MAGI3: variants seen among roughly 807,000 people sequenced by gnomAD.
MAGI3 encodes membrane associated guanylate kinase, WW and PDZ domain containing 3.
Under a neutral mutation model 121.8 loss-of-function variants are expected in MAGI3, and 43 were observed. The ratio of observed to expected loss-of-function variants is 0.35; its 90% CI spans 0.28 to 0.46. The LOEUF (loss-of-function observed/expected upper bound fraction) is 0.46, where lower values mean the gene tolerates loss of function less well. MAGI3 is among the 20% of genes least tolerant of loss of function. The pLI is 1.00. For missense variants in MAGI3, 1,547 were observed against 1,797.3 expected (o/e 0.86, Z 2.52); for synonymous variants, 553 against 639.3 (o/e 0.86, Z 2.04).
intron 1 of MAGI3, among the ~76,000 whole-genome samples, chr1:113,517,117 G>T (rs1296530876): frequency 6.6e-6 from 1 of 151,294 alleles, no homozygotes; most frequent in Non-Finnish European, 1.5e-5. Context: ...TCCTGGAAAA[G>T]GGGAAAAAAA....
rs1444000788 is a variant in MAGI3 at position 113,685,728 on chromosome 1, G to C, written c.*1714G>C. 1 of 152,202 alleles carries C rather than the reference G, an allele frequency of 6.6e-6. No homozygotes were observed. Among genetic ancestry groups the C allele is most frequent in the Non-Finnish European group, 1.5e-5 (1 of 68,010 alleles). The allele number at this position is 152,202 out of a possible 1,614,324, so 9.4% of individuals were successfully genotyped here. Reference sequence around the variant, plus strand: ...TTGATGTCATATGTTGTCCTATGTGGTTCTTCCTAAGTAAACTCTGTACTG... The same window carrying C: ...TTGATGTCATATGTTGTCCTATGTGCTTCTTCCTAAGTAAACTCTGTACTG... On this transcript the variant is annotated 3_prime_UTR_variant, in exon 21 of 21. Transcript: ENST00000307546.
At chr1:113,580,191 T>G (rs1647921009) in intron 2 of MAGI3, among the ~76,000 whole-genome samples, 1 of 152,150 alleles carries the variant, frequency 6.6e-6, no homozygotes, top group Non-Finnish European at 1.5e-5. Context: ...AACCAGTGTT[T>G]GTCCAACTTT....
chr1:113,638,570 T>C (rs1377577512), intron 9 of MAGI3, among the ~76,000 whole-genome samples: 1 of 152,244 alleles, frequency 6.6e-6, no homozygotes, highest in African/African-American at 2.4e-5. Context: ...TGAATGCTGC[T>C]GTCTGATCGT....
intron 2 of MAGI3, among the ~76,000 whole-genome samples, chr1:113,580,091 T>A (rs1056784115): frequency 6.6e-6 from 1 of 152,146 alleles, no homozygotes; most frequent in Non-Finnish European, 1.5e-5. Context: ...ACTGCTTAAT[T>A]TTTAAAAATT....
intron 1 of MAGI3, among the ~76,000 whole-genome samples, chr1:113,408,293 G>T (rs1278817784): frequency 2.6e-5 from 4 of 152,234 alleles, no homozygotes; most frequent in Admixed American, 2.6e-4. Context: ...CAGCCTCCTT[G>T]TTAAAATTTT....
chr1:113,429,991 A>AAGTGAAACACTT (rs760737604), intron 1 of MAGI3, among the ~76,000 whole-genome samples: 25 of 152,072 alleles, frequency 1.6e-4, no homozygotes, highest in Non-Finnish European at 3.1e-4. Context: ...CAGAAACACT[A>AAGTGAAACACTT]AGTGAAACAC....
intron 15 of MAGI3, among the ~76,000 whole-genome samples, chr1:113,657,402 G>C (rs1289546286): frequency 2.0e-5 from 3 of 152,078 alleles, no homozygotes; most frequent in African/African-American, 7.2e-5. Context: ...CCCTCACCCA[G>C]ACAACCAGCC....
At chr1:113,525,382 G>C (rs1658403335) in intron 1 of MAGI3, among the ~76,000 whole-genome samples, 1 of 151,696 alleles carries the variant, frequency 6.6e-6, no homozygotes, top group Non-Finnish European at 1.5e-5. Context: ...CTGTCTTCTT[G>C]TGACTTTGAC....
At chr1:113,513,750 T>C (rs1301850310) in intron 1 of MAGI3, among the ~76,000 whole-genome samples, 2 of 152,088 alleles carry the variant, frequency 1.3e-5, no homozygotes, top group Non-Finnish European at 2.9e-5. Flanking sequence ...CCAAAAGCAA[T>C]GAGCAACAAA....
chr1:113,531,581 A>G (rs1009161664), intron 1 of MAGI3, among the ~76,000 whole-genome samples: 11 of 152,070 alleles, frequency 7.2e-5, no homozygotes, highest in African/African-American at 2.4e-4. Context: ...CATTCATCTT[A>G]TGAGTGAAGG....
chr1:113,556,349 C>T (rs1013486969), intron 2 of MAGI3, among the ~76,000 whole-genome samples: 6 of 152,060 alleles, frequency 3.9e-5, no homozygotes, highest in Admixed American at 2.6e-4. Flanking sequence ...TAGTGCTATC[C>T]GGAGGCCGGG....
At position 113,658,579 on chromosome 1, in the gene MAGI3, C is replaced by G. The variant is rs1653604907; in HGVS notation, c.2630-501C>G. 6.6e-6 allele frequency among the ~76,000 whole-genome samples: 1 copy of G among 152,258 alleles called. No homozygotes were observed. The highest frequency in any genetic ancestry group is 1.5e-5 in the Non-Finnish European group (1 of 68,042). ...CTGTACCTGAATTTCTGACCAATAA[C>G]TACCGAGTGCTAAACCTGAGTTTGA... On this transcript the variant is annotated intron_variant, in intron 15 of 20. Coordinates refer to ENST00000307546, the MANE Select transcript of MAGI3 (RefSeq NM_001142782.2). This position sits in a 1 kb window ranked among gnomAD's most constrained non-coding sequence, Gnocchi z 4.0.
chr1:113,652,434 T>G (rs1653224099), intron 14 of MAGI3, among the ~76,000 whole-genome samples: 1 of 152,188 alleles, frequency 6.6e-6, no homozygotes, highest in Non-Finnish European at 1.5e-5. Context: ...ACATTCAAAG[T>G]AAAGGCCTGC....
At chr1:113,511,536 G>A (rs1657615144) in intron 1 of MAGI3, among the ~76,000 whole-genome samples, 1 of 152,150 alleles carries the variant, frequency 6.6e-6, no homozygotes, top group Admixed American at 6.6e-5. Flanking sequence ...GTATGGCAGG[G>A]GTTTTTATCC....
intron 1 of MAGI3, chr1:113,449,963 T>C: frequency 6.4e-7 from 1 of 1,553,310 alleles, no homozygotes; most frequent in South Asian, 1.1e-5. Context: ...CAAAGACAGC[T>C]GTTTCTAGAG....
intron 15 of MAGI3, among the ~76,000 whole-genome samples, chr1:113,657,418 G>A (rs943222672): frequency 2.0e-5 from 3 of 152,158 alleles, no homozygotes; most frequent in Non-Finnish European, 4.4e-5. Flanking sequence ...CAGCCCTTTA[G>A]GAAGTTGTAT....
chr1:113,465,335 G>A (rs963973283), intron 1 of MAGI3, among the ~76,000 whole-genome samples: 11 of 152,050 alleles, frequency 7.2e-5, no homozygotes, highest in Non-Finnish European at 1.5e-5. Context: ...TTATATCTGT[G>A]TTCTTTATTC....
At chr1:113,584,699 C>G (rs1648246728) in intron 3 of MAGI3, among the ~76,000 whole-genome samples, 1 of 152,084 alleles carries the variant, frequency 6.6e-6, no homozygotes, top group African/African-American at 2.4e-5. Context: ...ACCTTTTATG[C>G]CAATTAGTCT....
chr1:113,650,957 T>G, intron 13 of MAGI3, 57 bp from the exon 14 acceptor site: 3 of 1,498,990 alleles, frequency 2.0e-6, no homozygotes, highest in Admixed American at 3.9e-5. Flanking sequence ...AGGAATTCCT[T>G]AACTCTTCAG....
Sources: gnomAD v4.1 joint callset for allele counts (sites outside exome capture counted in the v4.1 genomes callset) on GRCh38, gnomAD v4.1.1 for gene constraint, Gnocchi (gnomAD v3.1) non-coding constraint, MANE v1.5 for transcripts, NCBI Gene and HGNC (gene_info 2026-07-23, HGNC 2026-07-21) for gene names.